Variants in NRXN3 observed in about 807,000 individuals in gnomAD.
NRXN3 encodes the protein neurexin III.
In NRXN3, 32 loss-of-function variants were observed where a neutral mutation model predicts 137.6. The observed-to-expected ratio is 0.23, with a 90% CI of 0.18 to 0.31. The LOEUF is 0.31. Among genes scored for constraint, NRXN3 ranks in the 10% least tolerant of loss-of-function variants. The pLI is 1.00. For missense variants in NRXN3, 1,574 were observed against 2,062.5 expected, an observed-to-expected ratio of 0.76 and a Z score of 4.59; for synonymous variants, 798 against 784.5, an observed-to-expected ratio of 1.02 and a Z score of -0.29.
intron 4 of NRXN3, among the ~76,000 whole-genome samples, chr14:78,637,283 T>C (rs949172843): frequency 2.0e-5 from 3 of 152,224 alleles, no homozygotes; most frequent in Non-Finnish European, 4.4e-5. Context: ...CTGTTTCTTC[T>C]AATTAGCATT....
At chr14:78,246,732 A>T (rs183584165) in intron 2 of NRXN3, among the ~76,000 whole-genome samples, 88 of 152,336 alleles carry the variant, frequency 5.8e-4, no homozygotes, top group African/African-American at 1.9e-3. Context: ...CACCTGTAAA[A>T]TGTGAAGGGA....
intron 10 of NRXN3, among the ~76,000 whole-genome samples, chr14:78,865,846 A>G (rs1420731167): frequency 2.0e-5 from 3 of 152,166 alleles, no homozygotes; most frequent in African/African-American, 7.2e-5. Context: ...TATTCAATCA[A>G]TGAGAGAGAT....
rs1181097692 is a variant in NRXN3 at position 78,740,943 on chromosome 14, G to A, written c.2044+25804G>A. 2.6e-5 allele frequency among the ~76,000 whole-genome samples: 4 copies of A among 152,138 alleles called. No individual in the cohort carries two copies. The East Asian group carries it at 5.8e-4, about 22-fold the overall frequency. On this transcript the variant is annotated intron_variant, in intron 8 of 20. Transcript: ENST00000335750. ...ATTTAAAAGAAAATAGCTCTGTGCAGTGGGCTTTGCTGTTCTTATTTTACA... is the reference window on the plus strand; with the variant it reads ...ATTTAAAAGAAAATAGCTCTGTGCAATGGGCTTTGCTGTTCTTATTTTACA...
intron 4 of NRXN3, chr14:78,526,914 T>C (rs2096389144): frequency 7.3e-6 from 3 of 413,422 alleles, no homozygotes; most frequent in Admixed American, 5.4e-5. Context: ...TGTATGAATT[T>C]ATTCCATCTC....
chr14:78,243,303 C>T lies in NRXN3; in HGVS notation c.210C>T (p.Gly70=), dbSNP rs773225464. The T allele has an allele frequency of 8.5e-5, 132 of 1,558,050 alleles. No individual in the cohort carries two copies. The highest frequency in any genetic ancestry group is 5.2e-4 in the Admixed American group (28 of 53,834). ...GGCTGCTCCTCTACCTGGATGATGG[C>T]GGCGTCTGCGACTTCCTATGCCTCT... The part of the protein sequence containing the change: ...STGLLLYLDD[G]GVCDFLCLSL... The change falls in exon 2 of 21, where the codon GGC becomes GGT. Residue 70 remains glycine (G), a synonymous_variant. Transcript: ENST00000335750. This position sits in a 1 kb window ranked among gnomAD's most constrained non-coding sequence, Gnocchi z 4.2.
chr14:79,018,562 T>C (rs1322571759), intron 15 of NRXN3, among the ~76,000 whole-genome samples: 2 of 152,184 alleles, frequency 1.3e-5, no homozygotes, highest in Admixed American at 6.5e-5. Context: ...TACAGGATTA[T>C]GGGCTCCTCT....
intron 10 of NRXN3, among the ~76,000 whole-genome samples, chr14:78,935,602 C>T (rs1434283090): frequency 1.3e-5 from 2 of 152,042 alleles, no homozygotes; most frequent in South Asian, 2.1e-4. Flanking sequence ...AAAAGTTCTG[C>T]GTGTGTTTAG....
At chr14:79,769,053 T>C (rs1054812386) in intron 19 of NRXN3, among the ~76,000 whole-genome samples, 9 of 151,616 alleles carry the variant, frequency 5.9e-5, no homozygotes, top group East Asian at 5.8e-4. Context: ...TGAAATGAAG[T>C]GAGAAGGGAA....
intron 19 of NRXN3, among the ~76,000 whole-genome samples, chr14:79,740,073 T>G (rs905572675): frequency 1.3e-5 from 2 of 152,128 alleles, no homozygotes; most frequent in African/African-American, 4.8e-5. Flanking sequence ...CTGCCAACCT[T>G]CCTTTTCCTT....
intron 1 of NRXN3, among the ~76,000 whole-genome samples, chr14:78,185,779 A>G (rs902473436): frequency 6.6e-6 from 1 of 152,194 alleles, no homozygotes; most frequent in Non-Finnish European, 1.5e-5. Flanking sequence ...CAGCCACTGA[A>G]CAAAATTCTC....
chr14:78,308,824 A>G (rs1313670580), intron 4 of NRXN3, among the ~76,000 whole-genome samples: 1 of 151,982 alleles, frequency 6.6e-6, no homozygotes, highest in Admixed American at 6.6e-5. Flanking sequence ...CTCTCAACCC[A>G]TTTTCTTGAA....
intron 1 of NRXN3, among the ~76,000 whole-genome samples, chr14:78,192,881 C>A (rs962878457): frequency 6.6e-6 from 1 of 152,292 alleles, no homozygotes; most frequent in Non-Finnish European, 1.5e-5. Context: ...CCAGTACTTT[C>A]AATTTCTTCT....
At chr14:78,276,047 T>G (rs1030343035) in intron 2 of NRXN3, among the ~76,000 whole-genome samples, 11 of 152,206 alleles carry the variant, frequency 7.2e-5, no homozygotes, top group Non-Finnish European at 1.3e-4. Context: ...GTTGGAATAA[T>G]GCTCAGACCT....
At chr14:78,601,840 A>G (rs778070245) in intron 4 of NRXN3, among the ~76,000 whole-genome samples, 8 of 152,178 alleles carry the variant, frequency 5.3e-5, no homozygotes, top group Non-Finnish European at 1.2e-4. Flanking sequence ...TACAACTGGT[A>G]AAAAGGTTTA....
intron 10 of NRXN3, among the ~76,000 whole-genome samples, chr14:78,820,864 C>A (rs1247634471): frequency 2.0e-5 from 3 of 152,134 alleles, no homozygotes; most frequent in African/African-American, 7.2e-5. Flanking sequence ...TCCTCTAAAG[C>A]AAAATATTTG....
Position 78,706,307 on chromosome 14 carries a change from T to C in NRXN3, c.1222-2910T>C, listed in dbSNP as rs963274130. On this transcript the variant is annotated intron_variant, in intron 6 of 20. Transcript: ENST00000335750. Reference sequence around the variant, plus strand: ...GGAGAAGCTGACACTCATTAAACTTTTATGATTTCTTTTCTGGTTTACTCA... The same window carrying C: ...GGAGAAGCTGACACTCATTAAACTTCTATGATTTCTTTTCTGGTTTACTCA... Among the ~76,000 whole-genome samples, 5 of 152,332 alleles carry C rather than the reference T, an allele frequency of 3.3e-5. No individual in the cohort carries two copies. In the South Asian group the frequency reaches 8.3e-4, roughly 25 times the overall value.
chr14:79,075,645 A>G (rs1296368199), intron 15 of NRXN3, among the ~76,000 whole-genome samples: 1 of 152,146 alleles, frequency 6.6e-6, no homozygotes, highest in African/African-American at 2.4e-5. Context: ...CTGCCAAAAC[A>G]TATTTTTCAT....
chr14:79,768,264 G>A (rs1163808714), intron 19 of NRXN3, among the ~76,000 whole-genome samples: 1 of 152,316 alleles, frequency 6.6e-6, no homozygotes, highest in Admixed American at 6.5e-5. Flanking sequence ...ACTGGGTGGA[G>A]CCCACCACAG....
At chr14:79,570,154 G>A (rs2097585699) in intron 16 of NRXN3, among the ~76,000 whole-genome samples, 1 of 152,036 alleles carries the variant, frequency 6.6e-6, no homozygotes, top group Non-Finnish European at 1.5e-5. Context: ...AGTTTTCCAC[G>A]CTAGAACACA....
Sources: allele counts gnomAD v4.1 joint callset (sites outside exome capture counted in the v4.1 genomes callset), GRCh38; gene constraint gnomAD v4.1.1; non-coding constraint Gnocchi (gnomAD v3.1); transcripts MANE v1.5; gene names NCBI Gene and HGNC (gene_info 2026-07-23, HGNC 2026-07-21).